The following ZNF577 variants were observed in gnomAD, a reference collection of about 807,000 sequenced individuals.
ZNF577 encodes zinc finger protein 577.
ZNF577 carries 14 observed loss-of-function variants against 13.9 expected under a neutral mutation model. That is an observed-to-expected ratio of 1.00 (90% CI 0.66 to 1.57). The LOEUF is 1.57. ZNF577 is among the 40% of genes most tolerant of loss of function. The pLI is 0.00. For missense variants in ZNF577, 555 were observed against 579.2 expected (o/e 0.96, Z 0.43); for synonymous variants, 203 against 202.9 (o/e 1.00, Z 0.00).
rs750335830 is a variant in ZNF577 at position 51,873,281 on chromosome 19, T to C, written c.709A>G (p.Thr237Ala). The change falls in exon 6 of 6, where the codon ACA becomes GCA. Residue 237 changes from threonine (T) to alanine (A), a missense_variant. Coordinates refer to ENST00000638348, the MANE Select transcript of ZNF577 (RefSeq NM_001370449.1). ...SQLMVHQRTH[T>A]GEKPYRCSKC... is the part of the protein sequence containing the mutation. ...CTGCATCTGTAGGGTTTCTCTCCTGTATGGGTTCTCTGATGGACCATGAGC... is the reference window on the plus strand; with the variant it reads ...CTGCATCTGTAGGGTTTCTCTCCTGCATGGGTTCTCTGATGGACCATGAGC... 9.9e-6 allele frequency: 16 copies of C among 1,613,188 alleles called. No individual in the cohort carries two copies. Among genetic ancestry groups the C allele is most frequent in the Non-Finnish European group, 1.4e-5 (16 of 1,179,318 alleles).
chr19:51,829,188 T>A (rs1185435522), intron 9 of ZNF577, among the ~76,000 whole-genome samples: 1 of 152,084 alleles, frequency 6.6e-6, no homozygotes. Flanking sequence ...GAGACTGATA[T>A]CCAGTGAAAA....
At chr19:51,816,037 A>T (rs547735397) in intron 9 of ZNF577, among the ~76,000 whole-genome samples, 197 of 150,636 alleles carry the variant, frequency 1.3e-3, no homozygotes, top group African/African-American at 4.7e-3. Flanking sequence ...ACTACACCCC[A>T]GACTGGGGAA....
intron 5 of ZNF577, among the ~76,000 whole-genome samples, chr19:51,859,613 A>T (rs541148226): frequency 6.6e-6 from 1 of 152,276 alleles, no homozygotes; most frequent in East Asian, 1.9e-4. Context: ...GCTCTAGAAA[A>T]ATGTAAACTT....
chr19:51,857,411 A>AG, intron 5 of ZNF577, among the ~76,000 whole-genome samples: 1 of 118,516 alleles, frequency 8.4e-6, no homozygotes. Flanking sequence ...AGAAAGAAAG[A>AG]AAGAAAGAAA....
intron 9 of ZNF577, chr19:51,839,776 C>T (rs2084309656): frequency 7.2e-5 from 11 of 152,252 alleles, no homozygotes; most frequent in Admixed American, 7.2e-4. Flanking sequence ...CAGTGGCTAA[C>T]CCCCAGCTTC....
chr19:51,865,932 T>C (rs2084557774), downstream of ZNF577, among the ~76,000 whole-genome samples: 1 of 151,962 alleles, frequency 6.6e-6, no homozygotes, highest in South Asian at 2.1e-4. Flanking sequence ...CTGACCAACA[T>C]GGTAAAACCC....
At chr19:51,860,534 C>T (rs73570023) in intron 5 of ZNF577, 4,650 of 152,834 alleles carry the variant, frequency 0.03, 220 homozygotes, top group African/African-American at 0.11. Flanking sequence ...GAATTTTAGA[C>T]AATCACTGCA....
intron 9 of ZNF577, among the ~76,000 whole-genome samples, chr19:51,813,118 CAA>C (rs2084108972): frequency 7.9e-6 from 1 of 125,916 alleles, no homozygotes; most frequent in African/African-American, 3.3e-5. Flanking sequence ...TGCTCTGTCT[CAA>C]CACACACACA....
intron 8 of ZNF577, chr19:51,840,718 A>T (rs2084315557): frequency 6.6e-6 from 1 of 152,214 alleles, no homozygotes; most frequent in Non-Finnish European, 1.5e-5. Flanking sequence ...ATATGAAAAG[A>T]ATGAACTTCA....
chr19:51,870,544 GA>G lies in ZNF577; in HGVS notation c.*1987del, dbSNP rs1163649881. On this transcript the variant is annotated 3_prime_UTR_variant, in exon 6 of 6. Coordinates refer to ENST00000638348, the MANE Select transcript of ZNF577 (RefSeq NM_001370449.1). ...GGAGGCGTTTCCACTCCAGCTGGTG[GA>G]AATGCTTGTGTGTAATCCAAGGATT... Among the ~76,000 whole-genome samples the G allele has an allele frequency of 2.0e-5, 3 of 152,130 alleles. No homozygotes were observed. The highest frequency in any genetic ancestry group is 4.4e-5 in the Non-Finnish European group (3 of 68,018).
chr19:51,841,323 G>C (rs1428320695), intron 8 of ZNF577, among the ~76,000 whole-genome samples: 1 of 152,110 alleles, frequency 6.6e-6, no homozygotes, highest in Non-Finnish European at 1.5e-5. Flanking sequence ...GCCTGCATTT[G>C]CTGTAGAGCC....
downstream of ZNF577, among the ~76,000 whole-genome samples, chr19:51,804,501 T>C (rs1339309568): frequency 1.3e-5 from 2 of 152,192 alleles, no homozygotes; most frequent in Admixed American, 1.3e-4. Context: ...TTTGATTTGA[T>C]TGGGAATTCA....
At chr19:51,866,252 C>T (rs2084562485), downstream of ZNF577, among the ~76,000 whole-genome samples, 1 of 152,036 alleles carries the variant, frequency 6.6e-6, no homozygotes, top group African/African-American at 2.4e-5. Flanking sequence ...GGAACTGACA[C>T]ACTTTCAGCT....
chr19:51,845,541 C>T (rs2084347029), intron 5 of ZNF577, among the ~76,000 whole-genome samples: 1 of 151,984 alleles, frequency 6.6e-6, no homozygotes, highest in African/African-American at 2.4e-5. Context: ...ACTACAGTCA[C>T]CATGTTGTAC....
chr19:51,855,367 C>CTGTGTGTGTGTGTATGTG lies in ZNF577; in HGVS notation c.284-10437_284-10436insCACATACACACACACACA, dbSNP rs1555745556. Among the ~76,000 whole-genome samples the CTGTGTGTGTGTGTATGTG allele has an allele frequency of 4.8e-4, 69 of 143,560 alleles. 1 individual carries two copies. Among genetic ancestry groups the CTGTGTGTGTGTGTATGTG allele is most frequent in the African/African-American group, 1.6e-3 (60 of 38,084 alleles). The allele number at this position is 143,560 out of a possible 152,430, so 94.2% of individuals were successfully genotyped here. ...AGTTTTCCACTCTTTGCTGAGGGTGCTGTGTGTGTGTGTGTGTGTGTGTGT... is the reference window on the plus strand; with the variant it reads ...AGTTTTCCACTCTTTGCTGAGGGTGCTGTGTGTGTGTGTATGTGTGTGTGTGTGTGTGTGTGTGTGTGT... On this transcript the variant is annotated intron_variant and NMD_transcript_variant, in intron 5 of 10. Transcript: ENST00000638827.
rs2084965973 is a variant in ZNF577, at chr19:51,887,439, T to C, written c.-837A>G. 6.6e-6 allele frequency: 1 copy of C among 152,206 alleles called. No individual in the cohort carries two copies. Among genetic ancestry groups the C allele is most frequent in the African/African-American group, 2.4e-5 (1 of 41,440 alleles). The allele number at this position is 152,206 out of a possible 1,614,324, so 9.4% of individuals were successfully genotyped here. A position where few individuals can be genotyped will look rare whatever the true frequency, so the allele number is the denominator to read the frequency against. Reference sequence around the variant, plus strand: ...GGAGGAGTATTTAAAATGATGGGGATGTTATTACTTGGGTCGCAATGAACC... The same window carrying C: ...GGAGGAGTATTTAAAATGATGGGGACGTTATTACTTGGGTCGCAATGAACC... On this transcript the variant is annotated 5_prime_UTR_variant, in exon 1 of 6. Transcript: ENST00000638348.
intron 5 of ZNF577, among the ~76,000 whole-genome samples, chr19:51,852,477 G>T (rs192931484): frequency 2.6e-5 from 4 of 152,202 alleles, no homozygotes; most frequent in African/African-American, 7.2e-5. Context: ...CTAAACTGAA[G>T]ATGTCTTTTT....
chr19:51,878,512 AC>A lies in ZNF577; in HGVS notation c.63del (p.Ser22HisfsTer30), dbSNP rs1278560081. On this transcript the variant is annotated frameshift_variant and splice_region_variant, in exon 4 of 6. Coordinates refer to ENST00000638348, the MANE Select transcript of ZNF577 (RefSeq NM_001370449.1). LOFTEE classifies it high-confidence loss of function. ...ACAGCCACATCTTCGAATGACAATG[AC>A]CCCTATAATAACAATTCCAATGCAA... ...RREQGSSSGE[G>X]SLSFEDVAVG... 6.2e-7 allele frequency: 1 copy of A among 1,613,952 alleles called. No individual in the cohort carries two copies. Among genetic ancestry groups the A allele is most frequent in the Admixed American group, 1.7e-5 (1 of 60,002 alleles).
At chr19:51,875,363 C>CAAAAA (rs538987406) in intron 5 of ZNF577, among the ~76,000 whole-genome samples, 5 of 63,770 alleles carry the variant, frequency 7.8e-5, no homozygotes, top group African/African-American at 2.3e-4. Context: ...AACTCTGTCA[C>CAAAAA]AAAAAAAAAA....
Sources: gnomAD v4.1 joint callset for allele counts (sites outside exome capture counted in the v4.1 genomes callset) on GRCh38, gnomAD v4.1.1 for gene constraint, MANE v1.5 for transcripts, NCBI Gene and HGNC (gene_info 2026-07-23, HGNC 2026-07-21) for gene names.